CALN1: variants seen among roughly 807,000 people sequenced by gnomAD.
CALN1 encodes the protein calcium-binding protein 8.
Under a neutral mutation model 30.6 loss-of-function variants are expected in CALN1, and 17 were observed. The ratio of observed to expected loss-of-function variants is 0.56; its 90% CI spans 0.38 to 0.83. The LOEUF (loss-of-function observed/expected upper bound fraction) is 0.83. CALN1 is among the 40% of genes least tolerant of loss of function. The pLI is 0.00. For missense variants in CALN1, 291 were observed against 354.9 expected (o/e 0.82, Z 1.45); for synonymous variants, 156 against 131.4 (o/e 1.19, Z -1.28).
intron 4 of CALN1, among the ~76,000 whole-genome samples, chr7:72,069,708 A>G (rs1804260557): frequency 6.6e-6 from 1 of 152,272 alleles, no homozygotes; most frequent in African/African-American, 2.4e-5. Flanking sequence ...CCTCTTTTCC[A>G]AATAAGGTAA....
chr7:72,279,960 G>A (rs775908427), intron 2 of CALN1, among the ~76,000 whole-genome samples: 1 of 152,088 alleles, frequency 6.6e-6, no homozygotes, highest in Non-Finnish European at 1.5e-5. Context: ...AAGTGAACTG[G>A]GCAGCACTCA....
chr7:72,451,188 GAGAAGA>G (rs758368072), upstream of CALN1, among the ~76,000 whole-genome samples: 7 of 125,014 alleles, frequency 5.6e-5, no homozygotes, highest in African/African-American at 1.6e-4. Flanking sequence ...GCAGGAGGAG[GAGAAGA>G]AGAAGAAGAA....
intron 2 of CALN1, among the ~76,000 whole-genome samples, chr7:72,370,735 T>C (rs981140131): frequency 6.5e-4 from 99 of 152,040 alleles, no homozygotes; most frequent in Admixed American, 1.8e-3. Context: ...CTTTTCATTC[T>C]CTCAACAGTG....
intron 3 of CALN1, among the ~76,000 whole-genome samples, chr7:72,216,762 T>C (rs1469994779): frequency 6.6e-6 from 1 of 152,202 alleles, no homozygotes; most frequent in Non-Finnish European, 1.5e-5. Context: ...CATTGTTTTT[T>C]GGTGGGGGAG....
chr7:72,093,617 G>A (rs1220222233), intron 4 of CALN1, among the ~76,000 whole-genome samples: 2 of 152,162 alleles, frequency 1.3e-5, no homozygotes, highest in Non-Finnish European at 2.9e-5. Context: ...TGACCTTTAT[G>A]GTAACGATGA....
At chr7:72,490,504 C>T in the CALN1 span, among the ~76,000 whole-genome samples, 12 of 152,118 alleles carry the variant, frequency 7.9e-5, no homozygotes, top group Non-Finnish European at 1.5e-4. Flanking sequence ...ATAATAGCAC[C>T]TACCTCAAAG....
chr7:72,151,218 G>A (rs1025440026), intron 3 of CALN1, among the ~76,000 whole-genome samples: 1 of 152,110 alleles, frequency 6.6e-6, no homozygotes, highest in African/African-American at 2.4e-5. Context: ...CCCTCCAAGG[G>A]CCTTGGGCAA....
intron 3 of CALN1, among the ~76,000 whole-genome samples, chr7:72,149,292 A>T (rs376904492): frequency 3.9e-5 from 6 of 151,940 alleles, no homozygotes; most frequent in East Asian, 3.9e-4. Flanking sequence ...ACGTGGTAAA[A>T]CCCCGTCTCT....
intron 5 of CALN1, among the ~76,000 whole-genome samples, chr7:71,915,467 C>T (rs1794640622): frequency 6.6e-6 from 1 of 152,124 alleles, no homozygotes; most frequent in South Asian, 2.1e-4. Context: ...GGCACAGTGG[C>T]TCATGCCTGT....
chr7:72,311,452 G>C (rs1334309717), intron 2 of CALN1, among the ~76,000 whole-genome samples: 1 of 151,900 alleles, frequency 6.6e-6, no homozygotes, highest in East Asian at 1.9e-4. Context: ...TTGCATTGTG[G>C]AAGGATCAAC....
chr7:71,857,686 A>G (rs1174582603), intron 5 of CALN1, among the ~76,000 whole-genome samples: 3 of 152,208 alleles, frequency 2.0e-5, no homozygotes, highest in Non-Finnish European at 4.4e-5. Context: ...CACCCCAGGC[A>G]AGGGCTCTGC....
intron 5 of CALN1, among the ~76,000 whole-genome samples, chr7:71,902,138 G>A (rs560537338): frequency 2.2e-4 from 33 of 152,158 alleles, no homozygotes; most frequent in African/African-American, 7.5e-4. Context: ...GCTGGAGAAT[G>A]GTGTGAACCT....
intron 4 of CALN1, among the ~76,000 whole-genome samples, chr7:72,031,904 G>A (rs1393410816): frequency 6.6e-6 from 1 of 151,708 alleles, no homozygotes; most frequent in Non-Finnish European, 1.5e-5. Flanking sequence ...ACCATGCCCA[G>A]CTCATTTTTT....
chr7:71,804,635 A>G (rs1262712380), intron 6 of CALN1, among the ~76,000 whole-genome samples: 1 of 152,096 alleles, frequency 6.6e-6, no homozygotes, highest in African/African-American at 2.4e-5. Context: ...CCTGGACAAC[A>G]TGGCAAAACC....
At chr7:72,136,934 A>C (rs1308198452) in intron 3 of CALN1, among the ~76,000 whole-genome samples, 8 of 152,176 alleles carry the variant, frequency 5.3e-5, no homozygotes, top group African/African-American at 1.9e-4. Context: ...GTAACATCAA[A>C]GATCACTGAT....
intron 3 of CALN1, among the ~76,000 whole-genome samples, chr7:72,120,141 C>G (rs2158562): frequency 0.46 from 69,593 of 151,540 alleles, 17,416 homozygotes; most frequent in East Asian, 0.96. Context: ...CCATCTTTAT[C>G]TCCAACACGT....
intron 5 of CALN1, among the ~76,000 whole-genome samples, chr7:71,955,259 C>T (rs1444890525): frequency 2.0e-5 from 3 of 152,020 alleles, no homozygotes; most frequent in South Asian, 2.1e-4. Context: ...TGGAAGAAAC[C>T]GTCCCTGTGA....
At chr7:72,192,116 C>T (rs1247897658) in intron 3 of CALN1, among the ~76,000 whole-genome samples, 1 of 152,112 alleles carries the variant, frequency 6.6e-6, no homozygotes, top group Non-Finnish European at 1.5e-5. Context: ...CTGACCTCTG[C>T]AGAAGGTCGG....
chr7:72,243,444 CGTTT>C (rs892128050), intron 3 of CALN1, among the ~76,000 whole-genome samples: 3 of 152,156 alleles, frequency 2.0e-5, no homozygotes, highest in Non-Finnish European at 4.4e-5. Context: ...AACTGTCTAA[CGTTT>C]GTTTGTTTTT....
Sources: gnomAD v4.1 joint callset for allele counts (sites outside exome capture counted in the v4.1 genomes callset) on GRCh38, gnomAD v4.1.1 for gene constraint, MANE v1.5 for transcripts, NCBI Gene and HGNC (gene_info 2026-07-23, HGNC 2026-07-21) for gene names.